The following ATP6V0A2 variants were observed in gnomAD, a reference collection of about 807,000 sequenced individuals.
ATP6V0A2 encodes the protein ATPase H+ transporting V0 subunit a2.
A neutral mutation model predicts 104.4 loss-of-function variants in ATP6V0A2; 58 were observed. The ratio of observed to expected loss-of-function variants is 0.56; its 90% CI spans 0.45 to 0.69. The LOEUF is 0.69. Ranked by LOEUF, ATP6V0A2 falls within the 30% of genes least tolerant of loss-of-function variation. The pLI is 0.00. For synonymous variants in ATP6V0A2, 376 were observed against 397.9 expected (o/e 0.95, Z 0.65); for missense variants, 938 against 1,062.9 (o/e 0.88, Z 1.63).
At chr12:123,715,048 C>T (rs923721485) in intron 1 of ATP6V0A2, among the ~76,000 whole-genome samples, 1 of 152,204 alleles carries the variant, frequency 6.6e-6, no homozygotes, top group Admixed American at 6.5e-5. Flanking sequence ...CGCCACTGCA[C>T]TCCAGCCTGG....
chr12:123,739,546 G>C (rs1297600769), intron 9 of ATP6V0A2, among the ~76,000 whole-genome samples: 1 of 152,142 alleles, frequency 6.6e-6, no homozygotes, highest in Non-Finnish European at 1.5e-5. Context: ...CTCCTAACAG[G>C]CTGTGCCAGG....
At chr12:123,735,163 G>GTGTGTGTGTC (rs763476646) in intron 7 of ATP6V0A2, among the ~76,000 whole-genome samples, 2 of 128,990 alleles carry the variant, frequency 1.6e-5, no homozygotes, top group Admixed American at 1.6e-4. Flanking sequence ...GTGTGTGTGT[G>GTGTGTGTGTC]TGTCTGTGTG....
Position 123,712,409 on chromosome 12 carries a change from G to T in ATP6V0A2, c.-157G>T, listed in dbSNP as rs868777456. The stretch of plus-strand genomic sequence containing the variant: ...GAGCGGCGGCCGCGGTGGCAGAACC[G>T]GGGGCGGCCGCTGCAGTCTGGAGCC... On this transcript the variant is annotated 5_prime_UTR_variant, in exon 1 of 20. Transcript: ENST00000330342. 2.6e-6 allele frequency: 1 copy of T among 389,084 alleles called. No homozygotes were observed. The highest frequency in any genetic ancestry group is 4.4e-6 in the Non-Finnish European group (1 of 225,544). 24.1% of individuals were successfully genotyped at this position (389,084 alleles called of 1,614,324 possible).
chr12:123,737,418 A>T, intron 9 of ATP6V0A2, 147 bp downstream of exon 9: 1 of 838,760 alleles, frequency 1.2e-6, no homozygotes, highest in Non-Finnish European at 1.9e-6. Flanking sequence ...AATATTAATT[A>T]ACAAAATTAA....
chr12:123,716,960 T>A (rs1956346700), intron 1 of ATP6V0A2, among the ~76,000 whole-genome samples: 1 of 152,060 alleles, frequency 6.6e-6, no homozygotes, highest in Non-Finnish European at 1.5e-5. Context: ...GTCTGGACAT[T>A]CCATGTAAGT....
In ATP6V0A2 at chr12:123,712,597, G is replaced by A; in HGVS notation, c.32G>A (p.Cys11Tyr). The change falls in exon 1 of 20, where the codon TGC becomes TAC. Residue 11 changes from cysteine to tyrosine, a missense_variant. Cys to Tyr is a radical substitution (Grantham distance 194). Coordinates refer to ENST00000330342, the MANE Select transcript of ATP6V0A2 (RefSeq NM_012463.4). The stretch of plus-strand genomic sequence containing the variant: ...TCCCTGTTCCGGAGCGAGACCATGT[G>A]CCTGGCGCAGCTCTTCCTGCAGTCG... MGSLFRSETM[C>Y]LAQLFLQSGT... The A allele has an allele frequency of 3.7e-6, 6 of 1,602,156 alleles. No homozygotes were observed. The highest frequency in any genetic ancestry group is 5.1e-6 in the Non-Finnish European group (6 of 1,175,830).
At chr12:123,718,355 G>A (rs1956364473) in intron 1 of ATP6V0A2, among the ~76,000 whole-genome samples, 1 of 152,110 alleles carries the variant, frequency 6.6e-6, no homozygotes, top group Non-Finnish European at 1.5e-5. Context: ...CTCCCAAAGT[G>A]CTGGGATTAC....
rs1459053052 is a variant in ATP6V0A2 at position 123,740,161 on chromosome 12, C to CAAAG, written c.1038+2893_1038+2894insGAAA. Among the ~76,000 whole-genome samples, 4 of 150,218 alleles carry CAAAG rather than the reference C, an allele frequency of 2.7e-5. No homozygotes were observed. In the East Asian group the frequency reaches 7.9e-4, roughly 30 times the overall value. ...CTTGTCTCAAAAACAAACAAACAAA[C>CAAAG]AAACAAACAAACAGTGATTTTACAG... On this transcript the variant is annotated intron_variant, in intron 9 of 19. Transcript: ENST00000330342.
chr12:123,750,974 G>T (rs576199127), intron 15 of ATP6V0A2, 136 bp from the exon 16 acceptor site: 3 of 1,210,754 alleles, frequency 2.5e-6, no homozygotes, highest in Admixed American at 1.7e-5. Context: ...CCGCTGGCAA[G>T]TGTAGCTGGC....
intron 5 of ATP6V0A2, among the ~76,000 whole-genome samples, chr12:123,726,682 C>T (rs928278892): frequency 1.3e-5 from 2 of 152,156 alleles, no homozygotes; most frequent in Non-Finnish European, 2.9e-5. Flanking sequence ...TTCTTGCTGC[C>T]TACTGAAACT....
In ATP6V0A2 at chr12:123,751,321, C is replaced by G. The variant is rs1956712179; in HGVS notation, c.2055+92C>G. ...TGTAGAAAACACCTCCTGGAGGGTC[C>G]CTGTCTCTTGATTTAAAAGCCAAAG... On this transcript the variant is annotated intron_variant, in intron 16 of 19. Transcript: ENST00000330342. The G allele has an allele frequency of 1.9e-6, 3 of 1,582,112 alleles. No individual in the cohort carries two copies. In the South Asian group the frequency reaches 3.3e-5, roughly 18 times the overall value.
intron 6 of ATP6V0A2, among the ~76,000 whole-genome samples, chr12:123,728,800 C>G (rs1216823841): frequency 1.3e-5 from 2 of 151,216 alleles, no homozygotes; most frequent in African/African-American, 4.9e-5. Context: ...CCTCTGATCA[C>G]TTGATTAGTT....
chr12:123,744,659 C>T lies in ATP6V0A2; in HGVS notation c.1389C>T (p.Tyr463=). The part of the protein sequence containing the change: ...ILLLMGLFSV[Y]TGLIYNDCFS... ...TGCTGATGGGGCTGTTCTCAGTGTA[C>T]ACTGGCCTCATCTACAACGACTGCT... Residue 463 remains tyrosine, a synonymous_variant, in exon 12 of 20, where the codon TAC becomes TAT. Transcript: ENST00000330342. The surrounding 1 kb of genome is among the most constrained non-coding windows in gnomAD (Gnocchi z 5.4). 6.2e-7 allele frequency: 1 copy of T among 1,613,944 alleles called. No homozygotes were observed. Among genetic ancestry groups the T allele is most frequent in the Non-Finnish European group, 8.5e-7 (1 of 1,180,024 alleles).
intron 3 of ATP6V0A2, 35 bp downstream of exon 3, chr12:123,722,483 TG>T (rs1397104036): frequency 8.1e-7 from 1 of 1,232,602 alleles, no homozygotes; most frequent in Non-Finnish European, 1.2e-6. Context: ...TTGCAGCCAT[TG>T]ATCTTGGGGG....
At chr12:123,738,226 A>G (rs1593904527) in intron 9 of ATP6V0A2, among the ~76,000 whole-genome samples, 2 of 152,298 alleles carry the variant, frequency 1.3e-5, no homozygotes, top group Non-Finnish European at 2.9e-5. Flanking sequence ...AACATGGTGA[A>G]ACCCCATTTC....
rs1956632791 is a variant in ATP6V0A2 at position 123,743,826 on chromosome 12, C to A, written c.1080C>A (p.Ile360=). Residue 360 remains isoleucine, a synonymous_variant, in exon 10 of 20, where the codon ATC becomes ATA. Coordinates refer to ENST00000330342, the MANE Select transcript of ATP6V0A2 (RefSeq NM_012463.4). ...GATIPSFMNI[I]PTKETPPTRI... The stretch of plus-strand genomic sequence containing the variant: ...CAATCCCCTCATTCATGAATATAAT[C>A]CCCACAAAAGAAACACCCCCCACTC... The A allele has an allele frequency of 1.2e-6, 2 of 1,613,884 alleles. No homozygotes were observed. The highest frequency in any genetic ancestry group is 1.7e-6 in the Non-Finnish European group (2 of 1,179,978).
intron 5 of ATP6V0A2, among the ~76,000 whole-genome samples, chr12:123,726,568 T>C (rs1430433062): frequency 6.6e-6 from 1 of 152,238 alleles, no homozygotes; most frequent in Non-Finnish European, 1.5e-5. Flanking sequence ...CTAAAACAAT[T>C]GGTCATTCAG....
chr12:123,748,558 T>C lies in ATP6V0A2; in HGVS notation c.1725-17T>C, dbSNP rs1437372844. On this transcript the variant is annotated splice_polypyrimidine_tract_variant and intron_variant, in intron 14 of 19. Coordinates refer to ENST00000330342, the MANE Select transcript of ATP6V0A2 (RefSeq NM_012463.4). Reference sequence around the variant, plus strand: ...CTGATCTTGTTCGTGGGTTGATTGATTCCTTTTCTTTCCTAGGCACTTCAG... The same window carrying C: ...CTGATCTTGTTCGTGGGTTGATTGACTCCTTTTCTTTCCTAGGCACTTCAG... 1 of 1,593,176 alleles carries C rather than the reference T, an allele frequency of 6.3e-7. No homozygotes were observed. Among genetic ancestry groups the C allele is most frequent in the Non-Finnish European group, 8.6e-7 (1 of 1,161,058 alleles).
chr12:123,748,809 G>T, intron 15 of ATP6V0A2, 24 bp downstream of exon 15: 1 of 1,583,768 alleles, frequency 6.3e-7, no homozygotes, highest in South Asian at 1.1e-5. Flanking sequence ...CCACCCTCAT[G>T]AACTTAACGG....
Sources: gnomAD v4.1 joint callset for allele counts (sites outside exome capture counted in the v4.1 genomes callset) on GRCh38, gnomAD v4.1.1 for gene constraint, Gnocchi (gnomAD v3.1) non-coding constraint, MANE v1.5 for transcripts, NCBI Gene and HGNC (gene_info 2026-07-23, HGNC 2026-07-21) for gene names.